CEP85L: variants seen among roughly 807,000 people sequenced by gnomAD.
The protein encoded by CEP85L is centrosomal protein 85L.
A neutral mutation model predicts 100.3 loss-of-function variants in CEP85L; 60 were observed. The ratio of observed to expected loss-of-function variants is 0.60; its 90% CI spans 0.49 to 0.74. The LOEUF is 0.74. Ranked by LOEUF, CEP85L falls within the 30% of genes least tolerant of loss-of-function variation. The probability of loss-of-function intolerance (pLI) is 0.00; values close to 1 mark genes in which losing one functional copy is unlikely to be tolerated. For synonymous variants in CEP85L, 319 were observed against 322.7 expected, an observed-to-expected ratio of 0.99 and a Z score of 0.12; for missense variants, 973 against 936.2, an observed-to-expected ratio of 1.04 and a Z score of -0.51.
chr6:118,529,094 CA>C lies in CEP85L; in HGVS notation c.1021-5175del, dbSNP rs1027107092. Among the ~76,000 whole-genome samples the C allele has an allele frequency of 7.9e-5, 12 of 152,142 alleles. 1 individual carries two copies. The highest frequency in any genetic ancestry group is 7.2e-4 in the Admixed American group (11 of 15,276). Reference sequence around the variant, plus strand: ...CCATTTATCTTTTGAAAGTCCTAAACAAAGGTGGAATAGTGATAAGGGAATT... The same window carrying C: ...CCATTTATCTTTTGAAAGTCCTAAACAAGGTGGAATAGTGATAAGGGAATT... On this transcript the variant is annotated intron_variant, in intron 3 of 12. Transcript: ENST00000368491.
chr6:118,543,252 T>C (rs1778013220), intron 3 of CEP85L, among the ~76,000 whole-genome samples: 1 of 152,182 alleles, frequency 6.6e-6, no homozygotes, highest in South Asian at 2.1e-4. Context: ...ATCTCAACTT[T>C]TCAGAGGCAA....
chr6:118,514,368 T>C (rs563653836), intron 4 of CEP85L, among the ~76,000 whole-genome samples: 68 of 151,482 alleles, frequency 4.5e-4, no homozygotes, highest in African/African-American at 1.5e-3. Context: ...CCACTAAAAA[T>C]ACAAAAATTA....
At chr6:118,509,484 G>A (rs1775846610) in intron 5 of CEP85L, among the ~76,000 whole-genome samples, 1 of 152,064 alleles carries the variant, frequency 6.6e-6, no homozygotes, top group Non-Finnish European at 1.5e-5. Flanking sequence ...ATAACATGAT[G>A]TATTCATAAC....
intron 5 of CEP85L, chr6:118,502,238 A>G (rs1775351575): frequency 1.6e-6 from 1 of 620,936 alleles, no homozygotes; most frequent in African/African-American, 1.8e-5. Context: ...GTACCGCATT[A>G]TGACTCCACA....
chr6:118,566,928 A>G (rs919377168), intron 2 of CEP85L, among the ~76,000 whole-genome samples: 5 of 152,118 alleles, frequency 3.3e-5, no homozygotes, highest in South Asian at 2.1e-4. Flanking sequence ...TACCTTTAAA[A>G]GGAAAAATCC....
chr6:118,561,247 T>C (rs970014962), intron 3 of CEP85L, among the ~76,000 whole-genome samples: 4 of 152,224 alleles, frequency 2.6e-5, no homozygotes, highest in African/African-American at 7.2e-5. Flanking sequence ...TCACTGGTTT[T>C]AGTAAATTAC....
At chr6:118,510,618 G>A (rs546635842) in intron 5 of CEP85L, among the ~76,000 whole-genome samples, 37 of 152,114 alleles carry the variant, frequency 2.4e-4, no homozygotes, top group African/African-American at 8.4e-4. Context: ...GGAGTGGGAC[G>A]GTGAGAGTTC....
At chr6:118,664,884 C>T (rs910158433) in intron 1 of CEP85L, among the ~76,000 whole-genome samples, 1 of 152,130 alleles carries the variant, frequency 6.6e-6, no homozygotes, top group Non-Finnish European at 1.5e-5. Flanking sequence ...GTTTTTAGGA[C>T]ACTACTTGTC....
chr6:118,495,137 C>T (rs1411642529), intron 5 of CEP85L, among the ~76,000 whole-genome samples: 2 of 150,404 alleles, frequency 1.3e-5, no homozygotes, highest in African/African-American at 4.9e-5. Flanking sequence ...AAAAAAAAAA[C>T]CTTAAAAAAA....
chr6:118,704,598 G>A (rs1222040633), intron 1 of CEP85L, among the ~76,000 whole-genome samples: 1 of 152,144 alleles, frequency 6.6e-6, no homozygotes, highest in Non-Finnish European at 1.5e-5. Context: ...AGCCTTCCGA[G>A]TAGCTGGGAT....
At chr6:118,636,333 A>C (rs180793819) in intron 1 of CEP85L, among the ~76,000 whole-genome samples, 246 of 152,364 alleles carry the variant, frequency 1.6e-3, no homozygotes, top group Non-Finnish European at 2.7e-3. Context: ...CAGGCTGCCC[A>C]GAATCTGACA....
intron 1 of CEP85L, among the ~76,000 whole-genome samples, chr6:118,687,765 C>A (rs1275870494): frequency 6.6e-6 from 1 of 152,186 alleles, no homozygotes; most frequent in Non-Finnish European, 1.5e-5. Flanking sequence ...TCCACCACTG[C>A]TGTTTGCCGC....
chr6:118,604,295 T>A (rs1277661126), intron 2 of CEP85L, among the ~76,000 whole-genome samples: 1 of 152,236 alleles, frequency 6.6e-6, no homozygotes, highest in Non-Finnish European at 1.5e-5. Context: ...GAAAAACCTG[T>A]TGTGCTTTTA....
chr6:118,583,147 G>A (rs747093384), intron 2 of CEP85L, among the ~76,000 whole-genome samples: 49 of 152,158 alleles, frequency 3.2e-4, no homozygotes, highest in Admixed American at 1.8e-3. Context: ...GGCAGAGGTC[G>A]CTGGGTTCAG....
chr6:118,562,838 A>C (rs1488874764), intron 3 of CEP85L, among the ~76,000 whole-genome samples: 1 of 152,206 alleles, frequency 6.6e-6, no homozygotes, highest in East Asian at 1.9e-4. Context: ...ATCAATAAAG[A>C]GGCTACTATT....
intron 3 of CEP85L, among the ~76,000 whole-genome samples, chr6:118,552,686 T>C (rs1298918731): frequency 3.9e-5 from 6 of 151,950 alleles, no homozygotes; most frequent in Admixed American, 3.9e-4. Context: ...CCAGCGTTAC[T>C]TTTCTTGAGG....
At chr6:118,610,706 A>G (rs1332487856) in intron 2 of CEP85L, among the ~76,000 whole-genome samples, 2 of 152,182 alleles carry the variant, frequency 1.3e-5, no homozygotes, top group Non-Finnish European at 2.9e-5. Flanking sequence ...AATCCACCGA[A>G]AGGCACATGA....
In CEP85L at chr6:118,632,577, A is replaced by T. The variant is rs767271209; in HGVS notation, c.108T>A (p.Asn36Lys). Residue 36 changes from asparagine to lysine, a missense_variant, in exon 2 of 13, where the codon AAT (asparagine) becomes AAA (lysine). By Grantham distance (94) the Asn-to-Lys change is moderately conservative. Transcript: ENST00000368491. ...CAGTTGTGGCCTGCCACAATGATTC[A>T]TTAGCAGGTAGCCATGCTGATGAAT... ...PDYSSAWLPA[N>K]ESLWQATTVP... The T allele has an allele frequency of 3.7e-6, 6 of 1,612,426 alleles. No homozygotes were observed. The highest frequency in any genetic ancestry group is 5.1e-6 in the Non-Finnish European group (6 of 1,179,470).
chr6:118,483,425 T>C (rs1773940175), intron 7 of CEP85L, among the ~76,000 whole-genome samples: 1 of 152,098 alleles, frequency 6.6e-6, no homozygotes, highest in Non-Finnish European at 1.5e-5. Flanking sequence ...TGGGGGTGTG[T>C]GCATGCATGT....
Sources: gnomAD v4.1 joint callset for allele counts (sites outside exome capture counted in the v4.1 genomes callset) on GRCh38, gnomAD v4.1.1 for gene constraint, MANE v1.5 for transcripts, NCBI Gene and HGNC (gene_info 2026-07-23, HGNC 2026-07-21) for gene names.